The following SPMAP2 variants were observed in gnomAD, a reference collection of about 807,000 sequenced individuals.
SPMAP2 encodes sperm microtubule associated protein 2, also known as Theg homolog.
the SPMAP2 span, among the ~76,000 whole-genome samples, chr19:363,759 T>C: frequency 6.6e-6 from 1 of 151,768 alleles, no homozygotes; most frequent in Non-Finnish European, 1.5e-5. Flanking sequence ...GGTCTCGAAC[T>C]CCTGACTTCA....
chr19:369,956 G>A, the SPMAP2 span, among the ~76,000 whole-genome samples: 2 of 152,210 alleles, frequency 1.3e-5, no homozygotes, highest in African/African-American at 2.4e-5. Flanking sequence ...GCAAGTCACA[G>A]GGGATGCGAC....
the SPMAP2 span, chr19:362,486 G>T: frequency 7.1e-7 from 1 of 1,404,690 alleles, no homozygotes. Context: ...TCCACATTCA[G>T]GCTGGGCATG....
chr19:376,007 C>G, the SPMAP2 span: 1 of 1,387,268 alleles, frequency 7.2e-7, no homozygotes, highest in Non-Finnish European at 9.3e-7. Flanking sequence ...GCCTCACTCT[C>G]CCGGCACCCA....
the SPMAP2 span, chr19:373,470 C>T: frequency 2.5e-4 from 407 of 1,613,180 alleles, no homozygotes; most frequent in East Asian, 3.6e-4. Flanking sequence ...CTCCACCTAC[C>T]GGGCACTGTG....
At chr19:364,179 A>G in the SPMAP2 span, among the ~76,000 whole-genome samples, 1 of 148,600 alleles carries the variant, frequency 6.7e-6, no homozygotes, top group Admixed American at 6.7e-5. Flanking sequence ...TAAAAATACA[A>G]AAAAAAAATT....
At chr19:367,030 C>T in the SPMAP2 span, 3 of 1,610,470 alleles carry the variant, frequency 1.9e-6, no homozygotes, top group Admixed American at 1.7e-5. Flanking sequence ...CTGAACAGGA[C>T]ATCAGGAAAT....
At chr19:375,968 C>T in the SPMAP2 span, 1 of 1,417,860 alleles carries the variant, frequency 7.1e-7, no homozygotes. Flanking sequence ...TGCTGTCCCC[C>T]ATACACCGGT....
the SPMAP2 span, among the ~76,000 whole-genome samples, chr19:370,417 C>CT: frequency 8.6e-5 from 13 of 151,884 alleles, no homozygotes; most frequent in Middle Eastern, 3.4e-3. Context: ...TCTCGGCTCA[C>CT]TGCAAGCTCC....
the SPMAP2 span, chr19:375,680 C>G: frequency 1.3e-6 from 2 of 1,586,554 alleles, no homozygotes; most frequent in Non-Finnish European, 1.7e-6. Flanking sequence ...CAGGAATGTC[C>G]TCTTCCAAGT....
At chr19:365,651 C>G in the SPMAP2 span, among the ~76,000 whole-genome samples, 1 of 141,440 alleles carries the variant, frequency 7.1e-6, no homozygotes, top group East Asian at 2.2e-4. Flanking sequence ...GCCACACACT[C>G]GCTCTTACCC....
the SPMAP2 span, chr19:374,210 C>A: frequency 5.7e-6 from 9 of 1,568,260 alleles, no homozygotes; most frequent in East Asian, 1.1e-4. Context: ...GGAGGGGAGC[C>A]GAGCAGTGGG....
the SPMAP2 span, among the ~76,000 whole-genome samples, chr19:366,775 T>G: frequency 1.3e-5 from 2 of 152,210 alleles, no homozygotes; most frequent in Non-Finnish European, 2.9e-5. Context: ...CAACTTGTTT[T>G]AAAAGACAGG....
the SPMAP2 span, among the ~76,000 whole-genome samples, chr19:372,965 C>T: frequency 4.6e-5 from 7 of 152,146 alleles, no homozygotes; most frequent in African/African-American, 7.2e-5. Flanking sequence ...AGCCCAGCAC[C>T]GTGGCTCCTC....
the SPMAP2 span, among the ~76,000 whole-genome samples, chr19:375,446 G>A: frequency 6.6e-6 from 1 of 152,200 alleles, no homozygotes; most frequent in South Asian, 2.1e-4. Context: ...GCGTCTGCTG[G>A]TGTCTGCCTC....
the SPMAP2 span, among the ~76,000 whole-genome samples, chr19:363,856 C>A: frequency 6.6e-6 from 1 of 151,896 alleles, no homozygotes; most frequent in African/African-American, 2.4e-5. Flanking sequence ...TATTTTGAGG[C>A]AGGGTCTTGC....
At chr19:371,308 CA>C in the SPMAP2 span, 1 of 1,479,126 alleles carries the variant, frequency 6.8e-7, no homozygotes, top group Non-Finnish European at 9.0e-7. Context: ...AGGAATGGGC[CA>C]GACAGGAGTC....
At chr19:363,659 G>A in the SPMAP2 span, among the ~76,000 whole-genome samples, 1,856 of 151,066 alleles carry the variant, frequency 0.012, 37 homozygotes, top group African/African-American at 0.042. Flanking sequence ...TCAGCCTCCC[G>A]AGTAGCTGGG....
the SPMAP2 span, chr19:374,107 G>A: frequency 6.8e-7 from 1 of 1,477,144 alleles, no homozygotes; most frequent in South Asian, 1.2e-5. Context: ...CGCCCAGAGG[G>A]CCACCGTTCC....
the SPMAP2 span, among the ~76,000 whole-genome samples, chr19:363,883 G>A: frequency 2.0e-5 from 3 of 151,788 alleles, no homozygotes; most frequent in Non-Finnish European, 4.4e-5. Context: ...TCCCAGGCTG[G>A]AGCACGATCT....
Sources: allele counts gnomAD v4.1 joint callset (sites outside exome capture counted in the v4.1 genomes callset), GRCh38; gene constraint gnomAD v4.1.1; transcripts MANE v1.5; gene names NCBI Gene and HGNC (gene_info 2026-07-23, HGNC 2026-07-21).